Variants in NRXN1 observed in about 807,000 individuals in gnomAD.
NRXN1 encodes the protein neurexin 1, also known as neurexin-1.
In NRXN1, 39 loss-of-function variants were observed where a neutral mutation model predicts 150.9. The ratio of observed to expected loss-of-function variants is 0.26; its 90% CI spans 0.20 to 0.34. The LOEUF (loss-of-function observed/expected upper bound fraction) is 0.34. Ranked by LOEUF, NRXN1 falls within the 10% of genes least tolerant of loss-of-function variation. The pLI, the probability that NRXN1 is intolerant of heterozygous loss-of-function variation, is 1.00. For synonymous variants in NRXN1, 924 were observed against 757.0 expected (o/e 1.22, Z -3.62); for missense variants, 1,815 against 1,949.9 (o/e 0.93, Z 1.30).
intron 15 of NRXN1, among the ~76,000 whole-genome samples, chr2:50,493,817 A>C (rs1422276363): frequency 6.6e-6 from 1 of 152,228 alleles, no homozygotes; most frequent in Non-Finnish European, 1.5e-5. Context: ...CACATGGGAA[A>C]TTCACAAACA....
chr2:50,141,715 T>C (rs1424326060), intron 18 of NRXN1, among the ~76,000 whole-genome samples: 1 of 151,976 alleles, frequency 6.6e-6, no homozygotes, highest in East Asian at 1.9e-4. Flanking sequence ...GTGTTCAATA[T>C]AACTAATCAT....
At position 50,472,474 on chromosome 2, in the gene NRXN1, G is replaced by A; in HGVS notation, c.3071-3C>T. The A allele has an allele frequency of 6.2e-7, 1 of 1,607,660 alleles. No homozygotes were observed. The highest frequency in any genetic ancestry group is 8.5e-7 in the Non-Finnish European group (1 of 1,175,866). ...TACTCCTCCTATATATAAGTCACCTGCAAGAAGATCAAAGTCTTTGTTACA... is the reference window on the plus strand; with the variant it reads ...TACTCCTCCTATATATAAGTCACCTACAAGAAGATCAAAGTCTTTGTTACA... On this transcript the variant is annotated splice_region_variant and splice_polypyrimidine_tract_variant and intron_variant, in intron 15 of 22. Coordinates refer to ENST00000401669, the MANE Select transcript of NRXN1 (RefSeq NM_001330078.2).
intron 5 of NRXN1, among the ~76,000 whole-genome samples, chr2:50,813,854 T>C (rs1185402838): frequency 1.3e-5 from 2 of 152,190 alleles, no homozygotes; most frequent in African/African-American, 4.8e-5. Flanking sequence ...CTACTAATTA[T>C]TCTTTTCAGT....
chr2:50,800,166 C>T (rs1707389495), intron 5 of NRXN1, among the ~76,000 whole-genome samples: 1 of 152,110 alleles, frequency 6.6e-6, no homozygotes, highest in African/African-American at 2.4e-5. Flanking sequence ...TGACCCATTG[C>T]TTATACTGAG....
intron 18 of NRXN1, among the ~76,000 whole-genome samples, chr2:50,139,163 T>TA (rs1706865476): frequency 6.6e-6 from 1 of 151,880 alleles, no homozygotes. Flanking sequence ...CCATCTCTAC[T>TA]AAAAATACAA....
At chr2:50,111,912 T>C (rs1702423356) in intron 18 of NRXN1, among the ~76,000 whole-genome samples, 1 of 152,156 alleles carries the variant, frequency 6.6e-6, no homozygotes, top group Admixed American at 6.5e-5. Context: ...TACACTAACT[T>C]CAATGCAACG....
intron 18 of NRXN1, among the ~76,000 whole-genome samples, chr2:50,224,713 G>A (rs1050246909): frequency 1.3e-5 from 2 of 150,492 alleles, no homozygotes; most frequent in African/African-American, 2.4e-5. Context: ...GAGAGAGAGA[G>A]AGAGAGAGAG....
chr2:50,926,708 G>C (rs1268300431), intron 2 of NRXN1, among the ~76,000 whole-genome samples: 1 of 151,782 alleles, frequency 6.6e-6, no homozygotes, highest in Non-Finnish European at 1.5e-5. Context: ...TTGAGGATGT[G>C]AATATGAATT....
intron 17 of NRXN1, among the ~76,000 whole-genome samples, chr2:50,442,691 T>C (rs1454491913): frequency 6.6e-6 from 1 of 152,136 alleles, no homozygotes; most frequent in African/African-American, 2.4e-5. Context: ...TGATAGTATT[T>C]AAGGGCATGA....
At chr2:50,496,199 T>G in intron 14 of NRXN1, 104 bp from the exon 15 acceptor site, 5 of 773,132 alleles carry the variant, frequency 6.5e-6, no homozygotes, top group Non-Finnish European at 1.0e-5. Flanking sequence ...GGTTCCATCC[T>G]TACTAGAAGT....
At chr2:50,376,679 T>C (rs1243026375) in intron 17 of NRXN1, among the ~76,000 whole-genome samples, 1 of 152,168 alleles carries the variant, frequency 6.6e-6, no homozygotes, top group Non-Finnish European at 1.5e-5. Context: ...AGTGTAGACA[T>C]AGAGATAATT....
intron 17 of NRXN1, among the ~76,000 whole-genome samples, chr2:50,329,951 C>T (rs529416460): frequency 6.6e-6 from 1 of 151,446 alleles, no homozygotes; most frequent in African/African-American, 2.4e-5. Context: ...GGATTACAGG[C>T]GTGAGCCACT....
intron 2 of NRXN1, among the ~76,000 whole-genome samples, chr2:50,989,953 G>GCA (rs1698299940): frequency 1.3e-5 from 2 of 151,902 alleles, no homozygotes; most frequent in Non-Finnish European, 2.9e-5. Context: ...GAGATTTTTA[G>GCA]TTGCTTGCTC....
At chr2:50,373,244 G>A (rs377328897) in intron 17 of NRXN1, among the ~76,000 whole-genome samples, 1 of 150,070 alleles carries the variant, frequency 6.7e-6, no homozygotes, top group Non-Finnish European at 1.5e-5. Context: ...GGCATTGACT[G>A]TTTTACCTAA....
chr2:50,834,580 C>T (rs955427794), intron 5 of NRXN1, among the ~76,000 whole-genome samples: 16 of 152,066 alleles, frequency 1.1e-4, no homozygotes, highest in African/African-American at 9.7e-5. Context: ...ATAATTGGTA[C>T]GTGATCTCAG....
At chr2:50,818,030 G>A (rs1386211423) in intron 5 of NRXN1, among the ~76,000 whole-genome samples, 2 of 146,834 alleles carry the variant, frequency 1.4e-5, no homozygotes, top group African/African-American at 5.0e-5. Context: ...TAAATAAAAT[G>A]CATCAAAGCC....
chr2:50,400,239 T>G (rs1190901292), intron 17 of NRXN1, among the ~76,000 whole-genome samples: 1 of 152,144 alleles, frequency 6.6e-6, no homozygotes, highest in African/African-American at 2.4e-5. Flanking sequence ...TATACTGACA[T>G]ATTTCCCATA....
At chr2:50,909,664 A>C (rs2193412) in intron 5 of NRXN1, among the ~76,000 whole-genome samples, 53,408 of 151,484 alleles carry the variant, frequency 0.35, 10,830 homozygotes, top group Non-Finnish European at 0.47. Flanking sequence ...TATTTATCTC[A>C]CTCTCTCATA....
chr2:50,823,697 T>A (rs947678410), intron 5 of NRXN1, among the ~76,000 whole-genome samples: 1 of 152,134 alleles, frequency 6.6e-6, no homozygotes, highest in Non-Finnish European at 1.5e-5. Flanking sequence ...GATTTATGGG[T>A]CCTAAAGAGC....
Sources: gnomAD v4.1 joint callset for allele counts (sites outside exome capture counted in the v4.1 genomes callset) on GRCh38, gnomAD v4.1.1 for gene constraint, MANE v1.5 for transcripts, NCBI Gene and HGNC (gene_info 2026-07-23, HGNC 2026-07-21) for gene names.